The following MICAL2 variants were observed in gnomAD, a reference collection of about 807,000 sequenced individuals.
The protein encoded by MICAL2 is microtubule associated monooxygenase, calponin and LIM domain containing 2, also known as [F-actin]-monooxygenase MICAL2.
In MICAL2, 77 loss-of-function variants were observed where a neutral mutation model predicts 127.3. That is an observed-to-expected ratio of 0.60 (90% CI 0.50 to 0.73). MICAL2 has a LOEUF of 0.73. Among genes scored for constraint, MICAL2 ranks in the 30% least tolerant of loss-of-function variants. MICAL2 has a pLI of 0.00. For synonymous variants in MICAL2, 570 were observed against 551.1 expected, an observed-to-expected ratio of 1.03 and a Z score of -0.48; for missense variants, 1,351 against 1,434.4, an observed-to-expected ratio of 0.94 and a Z score of 0.94.
chr11:12,324,158 G>T (rs985352453), intron 31 of MICAL2: 1 of 1,455,660 alleles, frequency 6.9e-7, no homozygotes. Context: ...GGTCTGCATT[G>T]TATTAGGGAA....
intron 3 of MICAL2, among the ~76,000 whole-genome samples, chr11:12,172,933 A>G (rs189662485): frequency 2.5e-4 from 38 of 152,346 alleles, no homozygotes; most frequent in African/African-American, 8.9e-4. Context: ...TCCATGTAAC[A>G]TGTACTAACA....
intron 3 of MICAL2, among the ~76,000 whole-genome samples, chr11:12,187,194 T>C (rs565017212): frequency 6.6e-6 from 1 of 152,328 alleles, no homozygotes; most frequent in East Asian, 1.9e-4. Context: ...TCTTCCCTCC[T>C]CTGTAATCCC....
chr11:12,131,514 C>A lies in MICAL2; in HGVS notation c.-148-6876C>A, dbSNP rs1171721809. On this transcript the variant is annotated intron_variant, in intron 1 of 27. Coordinates refer to ENST00000683283, the MANE Select transcript of MICAL2 (RefSeq NM_001282663.2). ...CTGCCTTTTCAACACCCTCATCCCC[C>A]AAGTCTGGATTCAGCCCTGCTGTCT... Among the ~76,000 whole-genome samples, 5 of 152,152 alleles carry A rather than the reference C, an allele frequency of 3.3e-5. No homozygotes were observed. In the East Asian group the frequency reaches 7.7e-4, roughly 23 times the overall value.
chr11:12,338,475 G>T (rs1481957928), intron 32 of MICAL2, among the ~76,000 whole-genome samples: 1 of 152,162 alleles, frequency 6.6e-6, no homozygotes, highest in African/African-American at 2.4e-5. Context: ...ATATTGTTAT[G>T]TGTGAATTTG....
intron 22 of MICAL2, chr11:12,252,536 G>C (rs139850274): frequency 6.6e-6 from 1 of 152,250 alleles, no homozygotes; most frequent in Non-Finnish European, 1.5e-5. Flanking sequence ...GTAATGTTGG[G>C]CTTCCTAATC....
At chr11:12,213,480 G>A (rs931142253) in intron 7 of MICAL2, 70 bp downstream of exon 7, 15 of 1,484,990 alleles carry the variant, frequency 1.0e-5, no homozygotes, top group Admixed American at 2.1e-5. Context: ...GTGCAGAGGC[G>A]TGTGCTGGCT....
At chr11:12,258,935 C>T (rs1279902733) in intron 25 of MICAL2, among the ~76,000 whole-genome samples, 1 of 152,254 alleles carries the variant, frequency 6.6e-6, no homozygotes, top group Non-Finnish European at 1.5e-5. Flanking sequence ...AGGACCGACC[C>T]TTCTACATTT....
intron 29 of MICAL2, among the ~76,000 whole-genome samples, chr11:12,301,366 G>A (rs767462225): frequency 1.7e-4 from 26 of 152,154 alleles, no homozygotes; most frequent in Non-Finnish European, 2.2e-4. Flanking sequence ...TTATTCCATT[G>A]TATGACTATA....
At chr11:12,271,373 G>A (rs1863674368), upstream of MICAL2, among the ~76,000 whole-genome samples, 1 of 152,228 alleles carries the variant, frequency 6.6e-6, no homozygotes, top group Non-Finnish European at 1.5e-5. Flanking sequence ...CAAGAGGGCT[G>A]GTGGTGTGGG....
intron 13 of MICAL2, 23 bp downstream of exon 13, chr11:12,224,843 C>T (rs778404810): frequency 6.3e-7 from 1 of 1,593,472 alleles, no homozygotes; most frequent in Non-Finnish European, 8.6e-7. Context: ...CCCAGGCTGG[C>T]CCCTGGAGAC....
intron 32 of MICAL2, among the ~76,000 whole-genome samples, chr11:12,335,996 A>T (rs1281599627): frequency 2.0e-5 from 3 of 152,180 alleles, no homozygotes; most frequent in East Asian, 1.9e-4. Context: ...GAAGAAAGTC[A>T]TTGGTAGCTT....
intron 32 of MICAL2, among the ~76,000 whole-genome samples, chr11:12,342,891 C>A (rs1380682485): frequency 6.6e-6 from 1 of 152,132 alleles, no homozygotes; most frequent in Admixed American, 6.5e-5. Context: ...ATGCTGCCTT[C>A]GTCAGGACCC....
At chr11:12,350,524 G>A (rs190568165) in intron 33 of MICAL2, among the ~76,000 whole-genome samples, 190 of 152,296 alleles carry the variant, frequency 1.2e-3, no homozygotes, top group Non-Finnish European at 2.0e-3. Flanking sequence ...GCCATAAGTT[G>A]TGCTGGGTGC....
rs2307072 is a variant in MICAL2 at position 12,110,991 on chromosome 11, T to C, written c.-149+265T>C. Among the ~76,000 whole-genome samples the C allele has an allele frequency of 0.69, 105,579 of 152,032 alleles. 38,214 individuals carry two copies. Among genetic ancestry groups the C allele is most frequent in the Non-Finnish European group, 0.8 (54,213 of 67,968 alleles). Reference sequence around the variant, plus strand: ...ACCGGCACGCCGAACTACCTCTTACTCCGCTCCGCAACACCCAAACCCTGC... The same window carrying C: ...ACCGGCACGCCGAACTACCTCTTACCCCGCTCCGCAACACCCAAACCCTGC... On this transcript the variant is annotated intron_variant, in intron 1 of 27. Transcript: ENST00000683283. The surrounding 1 kb of genome is among the most constrained non-coding windows in gnomAD (Gnocchi z 4.5).
downstream of MICAL2, among the ~76,000 whole-genome samples, chr11:12,289,414 GC>G (rs1863866433): frequency 6.6e-6 from 1 of 152,220 alleles, no homozygotes; most frequent in Non-Finnish European, 1.5e-5. Flanking sequence ...AGAGTGTGCA[GC>G]CCCCTCTGGA....
At chr11:12,141,510 C>T (rs529969594) in intron 2 of MICAL2, among the ~76,000 whole-genome samples, 20 of 152,290 alleles carry the variant, frequency 1.3e-4, no homozygotes, top group East Asian at 1.9e-4. Context: ...CTCTCCCCTG[C>T]GCCACCCTGA....
chr11:12,159,387 C>T (rs185661414), intron 2 of MICAL2, among the ~76,000 whole-genome samples: 3 of 152,334 alleles, frequency 2.0e-5, no homozygotes, highest in Non-Finnish European at 2.9e-5. Context: ...GGTACATTTC[C>T]CCAGGTACAA....
At chr11:12,302,579 A>T (rs1864059530) in intron 29 of MICAL2, among the ~76,000 whole-genome samples, 1 of 152,134 alleles carries the variant, frequency 6.6e-6, no homozygotes, top group African/African-American at 2.4e-5. Context: ...TCTCTGTTGA[A>T]GTCTTTTGCC....
chr11:12,309,170 CT>C (rs1864145204), intron 29 of MICAL2, among the ~76,000 whole-genome samples: 1 of 152,132 alleles, frequency 6.6e-6, no homozygotes, highest in Admixed American at 6.5e-5. Context: ...ACATTCATCT[CT>C]TCTTTGTCTT....
Sources: allele counts gnomAD v4.1 joint callset (sites outside exome capture counted in the v4.1 genomes callset), GRCh38; gene constraint gnomAD v4.1.1; non-coding constraint Gnocchi (gnomAD v3.1); transcripts MANE v1.5; gene names NCBI Gene and HGNC (gene_info 2026-07-23, HGNC 2026-07-21).